DPYD: variants seen among roughly 807,000 people sequenced by gnomAD.
DPYD encodes dihydropyrimidine dehydrogenase, also known as dihydropyrimidine dehydrogenase [NADP(+)].
In DPYD, 109 loss-of-function variants were observed where a neutral mutation model predicts 116.2. The ratio of observed to expected loss-of-function variants is 0.94; its 90% CI spans 0.80 to 1.10. The LOEUF (loss-of-function observed/expected upper bound fraction) is 1.10, where lower values mean the gene tolerates loss of function less well. Ranked by LOEUF, DPYD falls within the 50% of genes least tolerant of loss-of-function variation. DPYD has a pLI of 0.00. For synonymous variants in DPYD, 440 were observed against 432.0 expected (o/e 1.02, Z -0.23); for missense variants, 1,302 against 1,254.5 (o/e 1.04, Z -0.57).
chr1:97,403,898 ATCTT>A (rs1281127855), intron 14 of DPYD, among the ~76,000 whole-genome samples: 2 of 151,756 alleles, frequency 1.3e-5, no homozygotes, highest in Non-Finnish European at 2.9e-5. Flanking sequence ...TTAATTTTAA[ATCTT>A]TCTTCTTTTT....
chr1:97,307,015 C>G lies in DPYD; in HGVS notation c.2059-718G>C, dbSNP rs116840377. On this transcript the variant is annotated intron_variant, in intron 16 of 22. Coordinates refer to ENST00000370192, the MANE Select transcript of DPYD (RefSeq NM_000110.4). ...GCAAGAAATAGACATTTCCATGTGCCTATTTTCTGTGATTTTCCAGGCTCT... is the reference window on the plus strand; with the variant it reads ...GCAAGAAATAGACATTTCCATGTGCGTATTTTCTGTGATTTTCCAGGCTCT... Among the ~76,000 whole-genome samples, 149 of 151,854 alleles carry G rather than the reference C, an allele frequency of 9.8e-4. 1 individual carries two copies. The highest frequency in any genetic ancestry group is 3.5e-3 in the African/African-American group (145 of 41,476).
chr1:97,546,553 A>G, intron 12 of DPYD: 1 of 1,599,542 alleles, frequency 6.3e-7, no homozygotes, highest in South Asian at 1.1e-5. Context: ...GCAAGAAGAG[A>G]GCGCTCTATT....
chr1:97,661,866 C>CT (rs1176435619), intron 8 of DPYD, among the ~76,000 whole-genome samples: 1 of 151,244 alleles, frequency 6.6e-6, no homozygotes, highest in Admixed American at 6.6e-5. Context: ...CCATTCATCT[C>CT]TTTTTAAATA....
intron 3 of DPYD, among the ~76,000 whole-genome samples, chr1:97,798,865 T>C (rs1667715098): frequency 6.6e-6 from 1 of 152,036 alleles, no homozygotes; most frequent in African/African-American, 2.4e-5. Context: ...AGTATCTATG[T>C]ACCAGATAAT....
intron 16 of DPYD, among the ~76,000 whole-genome samples, chr1:97,317,882 T>G (rs1022571389): frequency 7.9e-5 from 12 of 152,076 alleles, no homozygotes; most frequent in Non-Finnish European, 1.3e-4. Context: ...CCCTTGGCAA[T>G]GAATGGTTCC....
intron 18 of DPYD, among the ~76,000 whole-genome samples, chr1:97,262,624 G>A (rs1425628719): frequency 2.6e-5 from 4 of 151,898 alleles, no homozygotes; most frequent in African/African-American, 4.8e-5. Context: ...ACTTCTGAAC[G>A]AAGCCTCTAC....
At chr1:97,196,366 T>C (rs1232296387) in intron 19 of DPYD, among the ~76,000 whole-genome samples, 1 of 152,166 alleles carries the variant, frequency 6.6e-6, no homozygotes, top group Non-Finnish European at 1.5e-5. Context: ...TCCGCCCACC[T>C]GGCCTCCCAC....
intron 1 of DPYD, among the ~76,000 whole-genome samples, chr1:97,899,823 G>A (rs1673273086): frequency 6.6e-6 from 1 of 151,942 alleles, no homozygotes; most frequent in Non-Finnish European, 1.5e-5. Flanking sequence ...ACTTATCACA[G>A]ATACTCCTGA....
At chr1:97,173,348 A>G (rs1018242037) in intron 20 of DPYD, among the ~76,000 whole-genome samples, 3 of 150,200 alleles carry the variant, frequency 2.0e-5, no homozygotes, top group African/African-American at 4.9e-5. Flanking sequence ...ATATATGCAC[A>G]CATATATGTA....
At chr1:97,561,197 A>G (rs1652119083) in intron 11 of DPYD, among the ~76,000 whole-genome samples, 1 of 152,232 alleles carries the variant, frequency 6.6e-6, no homozygotes, top group African/African-American at 2.4e-5. Context: ...TGAGAGTAGA[A>G]GCAGGATGAC....
chr1:97,919,273 T>G (rs1052378750), intron 1 of DPYD, among the ~76,000 whole-genome samples: 2 of 151,956 alleles, frequency 1.3e-5, no homozygotes, highest in Non-Finnish European at 2.9e-5. Flanking sequence ...AAAAGTAATA[T>G]TAGGCAAACT....
intron 8 of DPYD, among the ~76,000 whole-genome samples, chr1:97,627,901 A>G (rs1175197260): frequency 6.6e-6 from 1 of 152,046 alleles, no homozygotes; most frequent in East Asian, 1.9e-4. Context: ...GCAAAATTAT[A>G]AAGGGCCTTT....
At chr1:97,205,451 C>A (rs1179320362) in intron 19 of DPYD, among the ~76,000 whole-genome samples, 1 of 152,000 alleles carries the variant, frequency 6.6e-6, no homozygotes, top group Non-Finnish European at 1.5e-5. Flanking sequence ...TTTCACTTAG[C>A]AGTATGCATT....
chr1:97,425,002 C>T (rs937579516), intron 14 of DPYD, among the ~76,000 whole-genome samples: 8 of 151,938 alleles, frequency 5.3e-5, no homozygotes. Context: ...AATATCACAT[C>T]AATTTCATAT....
At chr1:97,756,396 T>A (rs1206074133) in intron 3 of DPYD, among the ~76,000 whole-genome samples, 2 of 152,130 alleles carry the variant, frequency 1.3e-5, no homozygotes, top group African/African-American at 2.4e-5. Flanking sequence ...CAAGGGAAGA[T>A]CTCTGATGGA....
At chr1:97,532,724 C>T (rs1649718323) in intron 12 of DPYD, among the ~76,000 whole-genome samples, 1 of 151,128 alleles carries the variant, frequency 6.6e-6, no homozygotes, top group Admixed American at 6.6e-5. Context: ...TCTCCTGTTT[C>T]ATTTCCGATT....
chr1:97,791,961 T>C, intron 3 of DPYD, among the ~76,000 whole-genome samples: 1 of 152,160 alleles, frequency 6.6e-6, no homozygotes, highest in East Asian at 1.9e-4. Context: ...AGAGTGCTCA[T>C]AATATTTTGA....
chr1:97,412,894 C>A (rs1674088832), intron 14 of DPYD, among the ~76,000 whole-genome samples: 1 of 152,152 alleles, frequency 6.6e-6, no homozygotes, highest in South Asian at 2.1e-4. Flanking sequence ...TTCCCCCACA[C>A]CACCCTAAAC....
chr1:97,094,023 T>C (rs1189541966), intron 21 of DPYD, among the ~76,000 whole-genome samples: 2 of 151,966 alleles, frequency 1.3e-5, no homozygotes, highest in Non-Finnish European at 2.9e-5. Context: ...CAAAACAATC[T>C]TTTCCTCTAC....
Sources: allele counts gnomAD v4.1 joint callset (sites outside exome capture counted in the v4.1 genomes callset), GRCh38; gene constraint gnomAD v4.1.1; transcripts MANE v1.5; gene names NCBI Gene and HGNC (gene_info 2026-07-23, HGNC 2026-07-21).